Variants in WDR41 observed in about 807,000 individuals in gnomAD.
The protein encoded by WDR41 is WD repeat domain 41.
A neutral mutation model predicts 69.3 loss-of-function variants in WDR41; 63 were observed. That is an observed-to-expected ratio of 0.91 (90% confidence interval 0.74 to 1.12). The LOEUF (loss-of-function observed/expected upper bound fraction) is 1.12. WDR41 is among the 50% of genes most tolerant of loss of function. WDR41 has a pLI of 0.00. For missense variants in WDR41, 543 were observed against 534.5 expected, an observed-to-expected ratio of 1.02 and a Z score of -0.16; for synonymous variants, 185 against 192.1, an observed-to-expected ratio of 0.96 and a Z score of 0.31.
In WDR41 at chr5:77,453,803, T is replaced by A. The variant is rs192924655; in HGVS notation, c.523+14A>T. The A allele has an allele frequency of 1.3e-4, 202 of 1,595,710 alleles. 1 individual carries two copies. The East Asian group carries it at 4.1e-3, about 32-fold the overall frequency. On this transcript the variant is annotated intron_variant, in intron 6 of 12. Transcript: ENST00000296679. ...CTGTCAATCATAGTTCAAAATTACC[T>A]TGATGTTTTTTACCTGTATCAGAAA...
chr5:77,509,927 A>C (rs1039192718), intron 1 of WDR41, among the ~76,000 whole-genome samples: 5 of 152,312 alleles, frequency 3.3e-5, no homozygotes, highest in Middle Eastern at 3.4e-3. Context: ...TGAATCTTGC[A>C]ACTCTAGCAG....
At chr5:77,554,636 A>T (rs114349153) in intron 1 of WDR41, among the ~76,000 whole-genome samples, 7,506 of 149,474 alleles carry the variant, frequency 0.05, 317 homozygotes, top group South Asian at 0.13. Flanking sequence ...TTTATAATAT[A>T]TAGTATAATT....
At chr5:77,570,855 A>G (rs1743720693) in intron 1 of WDR41, among the ~76,000 whole-genome samples, 1 of 152,032 alleles carries the variant, frequency 6.6e-6, no homozygotes. Context: ...CAATCTAGTA[A>G]GCAATGAAAG....
chr5:77,437,612 T>C (rs530402892), intron 10 of WDR41, among the ~76,000 whole-genome samples, 188 bp from the exon 11 acceptor site: 1 of 152,296 alleles, frequency 6.6e-6, no homozygotes, highest in Non-Finnish European at 1.5e-5. Context: ...AAGCCACATG[T>C]TACTCGTTAC....
chr5:77,450,228 A>G (rs1025437672), intron 7 of WDR41, among the ~76,000 whole-genome samples: 1 of 152,194 alleles, frequency 6.6e-6, no homozygotes, highest in Non-Finnish European at 1.5e-5. Flanking sequence ...CTCCAACATC[A>G]GCTTTCTCTA....
chr5:77,608,820 T>G (rs941646610), intron 1 of WDR41, among the ~76,000 whole-genome samples: 2 of 152,176 alleles, frequency 1.3e-5, no homozygotes, highest in Non-Finnish European at 1.5e-5. Context: ...AGGGGTGCAG[T>G]GCACCGTGCG....
intron 2 of WDR41, chr5:77,479,936 C>T (rs1244806206): frequency 6.6e-6 from 1 of 151,688 alleles, no homozygotes; most frequent in Non-Finnish European, 1.5e-5. Flanking sequence ...TGACAAAGGG[C>T]TAATATCCAG....
In WDR41 at chr5:77,567,800, A is replaced by G. The variant is rs185317671; in HGVS notation, c.42+52679T>C. Among the ~76,000 whole-genome samples the G allele has an allele frequency of 1.2e-3, 189 of 151,890 alleles. 2 individuals carry two copies. Among genetic ancestry groups the G allele is most frequent in the Admixed American group, 0.011 (172 of 15,222 alleles). ...AATAGGTTTGGGTCCAAGTATATGC[A>G]TTTTAATAAGTAGCCCTTCTTCTTC... On this transcript the variant is annotated intron_variant, in intron 1 of 5. Coordinates refer to the WDR41 transcript ENST00000509971.
chr5:77,493,433 C>T (rs1048911034), upstream of WDR41, among the ~76,000 whole-genome samples: 7 of 152,122 alleles, frequency 4.6e-5, no homozygotes, highest in Non-Finnish European at 1.0e-4. Context: ...TCTGGAGGGA[C>T]AAGGCATAAT....
intron 6 of WDR41, chr5:77,452,662 C>T (rs1232137910): frequency 1.3e-5 from 2 of 152,208 alleles, no homozygotes; most frequent in Non-Finnish European, 2.9e-5. Context: ...GAACAGCTCA[C>T]CAATAGTAAC....
intron 1 of WDR41, among the ~76,000 whole-genome samples, chr5:77,533,776 C>A (rs1742908710): frequency 6.6e-6 from 1 of 152,154 alleles, no homozygotes; most frequent in Non-Finnish European, 1.5e-5. Context: ...ACTCTCAGAT[C>A]AGTGTAGGGG....
At chr5:77,434,105 G>GGACT (rs1412504555) in intron 12 of WDR41, among the ~76,000 whole-genome samples, 1 of 152,190 alleles carries the variant, frequency 6.6e-6, no homozygotes, top group African/African-American at 2.4e-5. Flanking sequence ...TGAGGTGGGT[G>GGACT]GACTGCCTGA....
intron 1 of WDR41, among the ~76,000 whole-genome samples, chr5:77,514,383 A>T (rs1007054643): frequency 2.0e-5 from 3 of 152,198 alleles, no homozygotes; most frequent in Non-Finnish European, 4.4e-5. Flanking sequence ...ACCTTTAATT[A>T]GCAATGCCTG....
At chr5:77,483,596 C>A (rs138843359) in intron 2 of WDR41, among the ~76,000 whole-genome samples, 13 of 151,866 alleles carry the variant, frequency 8.6e-5, no homozygotes, top group African/African-American at 3.1e-4. Context: ...AGTTGTAGAG[C>A]CCTGATCAAT....
intron 1 of WDR41, among the ~76,000 whole-genome samples, chr5:77,521,953 T>C (rs1398951685): frequency 3.9e-5 from 6 of 152,226 alleles, no homozygotes; most frequent in Non-Finnish European, 7.3e-5. Flanking sequence ...GCTCTAAGAC[T>C]TCAGCTTGAA....
rs1229369218 is a variant in WDR41 at position 77,449,665 on chromosome 5, T to C, written c.697+95A>G. ...ACAATCCCATTATTTTAGTGACTTATTCTAGAATCCCAGAACTAAGCAAGG... is the reference window on the plus strand; with the variant it reads ...ACAATCCCATTATTTTAGTGACTTACTCTAGAATCCCAGAACTAAGCAAGG... On this transcript the variant is annotated intron_variant, in intron 8 of 12. Transcript: ENST00000296679. 9 of 797,108 alleles carry C rather than the reference T, an allele frequency of 1.1e-5. No homozygotes were observed. In the South Asian group the frequency reaches 1.6e-4, roughly 14 times the overall value. The allele number at this position is 797,108 out of a possible 1,614,324, so 49.4% of individuals were successfully genotyped here. A position where few individuals can be genotyped will look rare whatever the true frequency, so the allele number is the denominator to read the frequency against.
chr5:77,601,766 C>T (rs937873306), intron 1 of WDR41, among the ~76,000 whole-genome samples: 1 of 152,202 alleles, frequency 6.6e-6, no homozygotes, highest in African/African-American at 2.4e-5. Context: ...TAATTCCTCC[C>T]CAGTTCCTTT....
chr5:77,619,932 A>T (rs1744745549), intron 1 of WDR41, among the ~76,000 whole-genome samples: 1 of 152,234 alleles, frequency 6.6e-6, no homozygotes, highest in East Asian at 1.9e-4. Flanking sequence ...AGTAAAGATG[A>T]TGTTTAAAGA....
chr5:77,616,848 C>A (rs1291013370), intron 1 of WDR41, among the ~76,000 whole-genome samples: 1 of 152,176 alleles, frequency 6.6e-6, no homozygotes, highest in Non-Finnish European at 1.5e-5. Context: ...CTACACACCC[C>A]TCTCATTCTA....
Sources: gnomAD v4.1 joint callset for allele counts (sites outside exome capture counted in the v4.1 genomes callset) on GRCh38, gnomAD v4.1.1 for gene constraint, MANE v1.5 for transcripts, NCBI Gene and HGNC (gene_info 2026-07-23, HGNC 2026-07-21) for gene names.